The following PRELID2 variants were observed in gnomAD, a reference collection of about 807,000 sequenced individuals.
The protein encoded by PRELID2 is PRELI domain-containing protein 2.
Under a neutral mutation model 28.4 loss-of-function variants are expected in PRELID2, and 25 were observed. The ratio of observed to expected loss-of-function variants is 0.88; its 90% CI spans 0.64 to 1.23. The LOEUF (loss-of-function observed/expected upper bound fraction) is 1.23. PRELID2 is among the 50% of genes most tolerant of loss of function. The probability of loss-of-function intolerance (pLI) is 0.00; values close to 1 mark genes in which losing one functional copy is unlikely to be tolerated. For synonymous variants in PRELID2, 76 were observed against 71.6 expected, an observed-to-expected ratio of 1.06 and a Z score of -0.31; for missense variants, 201 against 214.4, an observed-to-expected ratio of 0.94 and a Z score of 0.39.
downstream of PRELID2, among the ~76,000 whole-genome samples, chr5:145,755,163 T>C (rs1334950072): frequency 6.6e-6 from 1 of 152,202 alleles, no homozygotes; most frequent in Admixed American, 6.5e-5. Context: ...GAGGTAGAAG[T>C]GGTCCAGTCA....
chr5:145,305,985 A>G, the PRELID2 span, among the ~76,000 whole-genome samples: 2 of 152,168 alleles, frequency 1.3e-5, no homozygotes, highest in Admixed American at 6.5e-5. Context: ...AGAAAAGACA[A>G]ATAGTGAACT....
At chr5:145,740,016 A>C (rs1422917252) in intron 1 of PRELID2, among the ~76,000 whole-genome samples, 1 of 151,316 alleles carries the variant, frequency 6.6e-6, no homozygotes, top group Admixed American at 6.6e-5. Flanking sequence ...AAATGGCCAA[A>C]ATACACAAAT....
At chr5:145,328,879 G>A in the PRELID2 span, among the ~76,000 whole-genome samples, 3 of 152,042 alleles carry the variant, frequency 2.0e-5, no homozygotes, top group Non-Finnish European at 4.4e-5. Flanking sequence ...GTATTACCTA[G>A]GTCTTATTCT....
the PRELID2 span, among the ~76,000 whole-genome samples, chr5:145,282,471 A>G: frequency 6.6e-6 from 1 of 151,852 alleles, no homozygotes. Flanking sequence ...AAAGATACAG[A>G]AGCCAAACTG....
At chr5:145,748,776 T>C (rs754081174) in intron 1 of PRELID2, among the ~76,000 whole-genome samples, 2 of 151,952 alleles carry the variant, frequency 1.3e-5, no homozygotes, top group African/African-American at 2.4e-5. Context: ...CCAAAACAGA[T>C]ATACAGACAA....
At chr5:145,484,614 T>G (rs1381620246) in intron 1 of PRELID2, among the ~76,000 whole-genome samples, 1 of 152,202 alleles carries the variant, frequency 6.6e-6, no homozygotes, top group Non-Finnish European at 1.5e-5. Flanking sequence ...GTATAAGATC[T>G]TAAAAGGCAA....
At chr5:145,269,888 G>A in the PRELID2 span, among the ~76,000 whole-genome samples, 3 of 145,352 alleles carry the variant, frequency 2.1e-5, no homozygotes, top group African/African-American at 7.9e-5. Context: ...ATATATATAT[G>A]TATACACACA....
At chr5:145,427,665 T>C in the PRELID2 span, among the ~76,000 whole-genome samples, 2 of 151,900 alleles carry the variant, frequency 1.3e-5, no homozygotes, top group South Asian at 2.1e-4. Flanking sequence ...CTTGCCCTCA[T>C]AGAGTTTATA....
At chr5:145,713,686 C>T (rs1581088903) in intron 1 of PRELID2, among the ~76,000 whole-genome samples, 4 of 95,042 alleles carry the variant, frequency 4.2e-5, no homozygotes, top group South Asian at 3.8e-4. Flanking sequence ...TATATATACA[C>T]ACACTATATA....
chr5:145,431,949 A>G, the PRELID2 span, among the ~76,000 whole-genome samples: 1 of 152,220 alleles, frequency 6.6e-6, no homozygotes. Flanking sequence ...AATATCCATC[A>G]ACAGAGAAGA....
chr5:145,232,961 G>A, the PRELID2 span, among the ~76,000 whole-genome samples: 1 of 139,506 alleles, frequency 7.2e-6, no homozygotes, highest in South Asian at 2.1e-4. Context: ...AAATATATAT[G>A]TATGTATGTA....
chr5:145,439,592 T>C, the PRELID2 span, among the ~76,000 whole-genome samples: 1 of 152,092 alleles, frequency 6.6e-6, no homozygotes, highest in African/African-American at 2.4e-5. Flanking sequence ...TTCTGTGTTT[T>C]TGATGCCTCC....
the PRELID2 span, among the ~76,000 whole-genome samples, chr5:145,420,455 G>T: frequency 3.3e-5 from 5 of 149,654 alleles, no homozygotes; most frequent in East Asian, 7.8e-4. Flanking sequence ...CACATCCCTT[G>T]TAAGTTGGAT....
chr5:145,581,158 A>G (rs1753104307), intron 1 of PRELID2, among the ~76,000 whole-genome samples: 1 of 151,244 alleles, frequency 6.6e-6, no homozygotes, highest in African/African-American at 2.4e-5. Flanking sequence ...TGCTTGGCCA[A>G]CTCCCATTCA....
At position 145,713,350 on chromosome 5, in the gene PRELID2, T is replaced by TTATATATATATA. The variant is rs148194664; in HGVS notation, n.70+51569_70+51580dup. On this transcript the variant is annotated intron_variant and non_coding_transcript_variant, in intron 1 of 2. Transcript: ENST00000510259. ...AGAACTCTAAGAATGATATCTGACT[T>TTATATATATATA]TATATATATATATATATATACTTTA... Among the ~76,000 whole-genome samples the TTATATATATATA allele has an allele frequency of 5.4e-4, 67 of 124,678 alleles. 1 individual carries two copies. The highest frequency in any genetic ancestry group is 1.6e-3 in the African/African-American group (52 of 32,122). 81.8% of individuals were successfully genotyped at this position (124,678 alleles called of 152,430 possible).
intron 1 of PRELID2, among the ~76,000 whole-genome samples, chr5:145,593,562 G>A (rs1333300942): frequency 6.6e-6 from 1 of 152,050 alleles, no homozygotes; most frequent in East Asian, 1.9e-4. Context: ...TGAATCCTAA[G>A]GAATCAACTC....
At chr5:145,275,679 T>A in the PRELID2 span, among the ~76,000 whole-genome samples, 1 of 152,142 alleles carries the variant, frequency 6.6e-6, no homozygotes, top group Non-Finnish European at 1.5e-5. Flanking sequence ...CAGAGTGGCA[T>A]GCACTAGCGT....
At chr5:145,532,248 T>C (rs929687055) in intron 1 of PRELID2, among the ~76,000 whole-genome samples, 2 of 152,114 alleles carry the variant, frequency 1.3e-5, no homozygotes, top group Non-Finnish European at 1.5e-5. Flanking sequence ...AATAGAGATA[T>C]GAATAACAAT....
intron 1 of PRELID2, among the ~76,000 whole-genome samples, chr5:145,828,113 G>T (rs1755324478): frequency 6.6e-6 from 1 of 152,144 alleles, no homozygotes; most frequent in Admixed American, 6.5e-5. Context: ...GAATTTTAGA[G>T]CCCAAGAGAT....
Sources: gnomAD v4.1 joint callset for allele counts (sites outside exome capture counted in the v4.1 genomes callset) on GRCh38, gnomAD v4.1.1 for gene constraint, MANE v1.5 for transcripts, NCBI Gene and HGNC (gene_info 2026-07-23, HGNC 2026-07-21) for gene names.